Variants in WWOX observed in about 807,000 individuals in gnomAD.
The protein encoded by WWOX is WW domain containing oxidoreductase.
In WWOX, 69 loss-of-function variants were observed where a neutral mutation model predicts 46.2. The ratio of observed to expected loss-of-function variants is 1.49; its 90% CI spans 1.23 to 1.82. The LOEUF (loss-of-function observed/expected upper bound fraction) is 1.82. Ranked by LOEUF, WWOX falls within the 40% of genes most tolerant of loss-of-function variation. WWOX has a pLI of 0.00. For missense variants in WWOX, 919 were observed against 542.6 expected, an observed-to-expected ratio of 1.69 and a Z score of -6.89; for synonymous variants, 359 against 202.6, an observed-to-expected ratio of 1.77 and a Z score of -6.56.
intron 8 of WWOX, among the ~76,000 whole-genome samples, chr16:78,912,235 T>C (rs1366761142): frequency 1.3e-5 from 2 of 152,068 alleles, no homozygotes; most frequent in African/African-American, 4.8e-5. Context: ...TTTTGAAGCA[T>C]GTCCTATCAT....
At chr16:79,084,576 G>A (rs1322390386) in intron 8 of WWOX, among the ~76,000 whole-genome samples, 5 of 151,968 alleles carry the variant, frequency 3.3e-5, no homozygotes, top group African/African-American at 7.3e-5. Flanking sequence ...CACCACGCCC[G>A]GCTACTTTTT....
chr16:78,486,457 C>T (rs914276348), intron 8 of WWOX, among the ~76,000 whole-genome samples: 1 of 152,086 alleles, frequency 6.6e-6, no homozygotes, highest in Admixed American at 6.5e-5. Flanking sequence ...ATGAGTGTGC[C>T]CAACAACTAG....
At chr16:78,985,935 C>T (rs932117487) in intron 8 of WWOX, among the ~76,000 whole-genome samples, 2 of 152,148 alleles carry the variant, frequency 1.3e-5, no homozygotes, top group Admixed American at 6.5e-5. Context: ...CTTGACTGGC[C>T]GAGAAATGCA....
At position 78,842,012 on chromosome 16, in the gene WWOX, A is replaced by G. The variant is rs550568512; in HGVS notation, c.1057-369596A>G. Reference sequence around the variant, plus strand: ...GGAAGGGGGATATAAGAGACACACTATAAAGGTGAATGGTAATTGGCATCT... The same window carrying G: ...GGAAGGGGGATATAAGAGACACACTGTAAAGGTGAATGGTAATTGGCATCT... On this transcript the variant is annotated intron_variant, in intron 8 of 8. Coordinates refer to ENST00000566780, the MANE Select transcript of WWOX (RefSeq NM_016373.4). 5.3e-5 allele frequency among the ~76,000 whole-genome samples: 8 copies of G among 152,310 alleles called. No individual in the cohort carries two copies. In the East Asian group the frequency reaches 1.4e-3, roughly 26 times the overall value.
intron 3 of WWOX, among the ~76,000 whole-genome samples, 159 bp from the exon 4 acceptor site, chr16:78,114,817 A>G (rs1219320638): frequency 6.6e-6 from 1 of 152,128 alleles, no homozygotes; most frequent in Non-Finnish European, 1.5e-5. Flanking sequence ...ATCCTTCTGG[A>G]GGCCAGAAGA....
chr16:78,326,592 A>C (rs866530212), intron 5 of WWOX, among the ~76,000 whole-genome samples: 11 of 42,160 alleles, frequency 2.6e-4, no homozygotes, highest in African/African-American at 1.4e-3. Context: ...CCCCCCCCGC[A>C]ATGCCTCAAT....
intron 6 of WWOX, among the ~76,000 whole-genome samples, chr16:78,401,440 T>C (rs2082411009): frequency 6.6e-6 from 1 of 152,204 alleles, no homozygotes; most frequent in African/African-American, 2.4e-5. Flanking sequence ...TGTAGCTTTG[T>C]GTAGCCCATC....
At chr16:78,273,419 C>G (rs146885653) in intron 5 of WWOX, among the ~76,000 whole-genome samples, 1 of 152,280 alleles carries the variant, frequency 6.6e-6, no homozygotes, top group African/African-American at 2.4e-5. Flanking sequence ...GCGAGCCTGA[C>G]CTCCACGGTA....
chr16:78,836,895 GTT>G (rs1227207125), intron 8 of WWOX, among the ~76,000 whole-genome samples: 1 of 152,118 alleles, frequency 6.6e-6, no homozygotes, highest in African/African-American at 2.4e-5. Flanking sequence ...TTGCGAAGAA[GTT>G]TTTTCTTTTT....
chr16:78,694,973 C>G (rs4888825), intron 8 of WWOX, among the ~76,000 whole-genome samples: 6,184 of 152,174 alleles, frequency 0.041, 377 homozygotes, highest in Admixed American at 0.17. Context: ...TCTTAGAAGC[C>G]CCAGTCTATT....
chr16:79,076,939 T>C (rs1480628498), intron 8 of WWOX, among the ~76,000 whole-genome samples: 1 of 152,188 alleles, frequency 6.6e-6, no homozygotes, highest in Non-Finnish European at 1.5e-5. Flanking sequence ...AGAAAGGTGG[T>C]ATTATTATTC....
intron 8 of WWOX, among the ~76,000 whole-genome samples, chr16:78,653,005 A>C (rs551369480): frequency 2.0e-5 from 3 of 152,314 alleles, no homozygotes; most frequent in African/African-American, 7.2e-5. Context: ...AAATTTAGAA[A>C]CTTGGACAGA....
intron 8 of WWOX, among the ~76,000 whole-genome samples, chr16:78,622,673 T>C (rs747363053): frequency 1.3e-5 from 1 of 79,276 alleles, no homozygotes; most frequent in African/African-American, 5.3e-5. Context: ...ACCTTGAATG[T>C]AGGTGGGATA....
intron 8 of WWOX, among the ~76,000 whole-genome samples, chr16:78,754,888 C>T (rs1758325204): frequency 6.6e-6 from 1 of 152,140 alleles, no homozygotes; most frequent in African/African-American, 2.4e-5. Flanking sequence ...CTGTGTCCTG[C>T]ACTGTCCATT....
At chr16:78,748,627 G>T (rs1839191394) in intron 8 of WWOX, among the ~76,000 whole-genome samples, 1 of 152,194 alleles carries the variant, frequency 6.6e-6, no homozygotes, top group Admixed American at 6.5e-5. Flanking sequence ...GCAGCTGCAT[G>T]AAGTCACTGG....
intron 8 of WWOX, among the ~76,000 whole-genome samples, chr16:79,046,189 A>G (rs1217590922): frequency 1.3e-5 from 2 of 152,286 alleles, no homozygotes; most frequent in Middle Eastern, 3.4e-3. Flanking sequence ...AGAAGTAGCC[A>G]CTGTTATTAT....
chr16:78,279,955 AG>A (rs1431625680), intron 5 of WWOX, among the ~76,000 whole-genome samples: 1 of 152,240 alleles, frequency 6.6e-6, no homozygotes, highest in African/African-American at 2.4e-5. Flanking sequence ...TATGGAAAAC[AG>A]GAAACCACAG....
At chr16:79,171,821 C>T (rs146168209) in intron 8 of WWOX, among the ~76,000 whole-genome samples, 6 of 152,096 alleles carry the variant, frequency 3.9e-5, no homozygotes, top group South Asian at 4.2e-4. Context: ...AATCAATCTT[C>T]GGAATCCTTT....
chr16:78,732,409 C>G (rs1437880487), intron 8 of WWOX, among the ~76,000 whole-genome samples: 1 of 152,130 alleles, frequency 6.6e-6, no homozygotes, highest in Non-Finnish European at 1.5e-5. Context: ...TCATAGTCAG[C>G]TTCAGTCATC....
Sources: allele counts gnomAD v4.1 joint callset (sites outside exome capture counted in the v4.1 genomes callset), GRCh38; gene constraint gnomAD v4.1.1; transcripts MANE v1.5; gene names NCBI Gene and HGNC (gene_info 2026-07-23, HGNC 2026-07-21).